Variants in LRRC37A2 observed in about 807,000 individuals in gnomAD.
The protein encoded by LRRC37A2 is leucine rich repeat containing 37 member A2, also known as leucine-rich repeat-containing protein 37A2.
LRRC37A2 carries 9 observed loss-of-function variants against 68.8 expected under a neutral mutation model. The observed-to-expected ratio is 0.13, with a 90% CI of 0.08 to 0.23. LRRC37A2 has a LOEUF of 0.23. Among genes scored for constraint, LRRC37A2 ranks in the 10% least tolerant of loss-of-function variants. The pLI, the probability that LRRC37A2 is intolerant of heterozygous loss-of-function variation, is 1.00. For synonymous variants in LRRC37A2, 63 were observed against 367.6 expected (o/e 0.17, Z 9.48); for missense variants, 168 against 950.4 (o/e 0.18, Z 10.82).
At chr17:46,962,123 C>T in the LRRC37A2 span, among the ~76,000 whole-genome samples, 14 of 152,168 alleles carry the variant, frequency 9.2e-5, no homozygotes, top group East Asian at 2.5e-3. Flanking sequence ...GTCAGAAGCT[C>T]GAGACCAGTC....
the LRRC37A2 span, among the ~76,000 whole-genome samples, chr17:46,811,369 C>T: frequency 6.6e-6 from 1 of 152,168 alleles, no homozygotes; most frequent in East Asian, 1.9e-4. Context: ...ATTGTAGCTG[C>T]ACCCAGCGGC....
the LRRC37A2 span, among the ~76,000 whole-genome samples, chr17:46,815,959 C>T: frequency 1.9e-4 from 29 of 152,262 alleles, 1 homozygote; most frequent in African/African-American, 4.1e-4. Flanking sequence ...GGATCACAGG[C>T]GGACTCAGAC....
chr17:46,963,389 A>T, the LRRC37A2 span, among the ~76,000 whole-genome samples: 2 of 152,092 alleles, frequency 1.3e-5, no homozygotes, highest in African/African-American at 2.4e-5. Context: ...TACTAAAAAT[A>T]AAAAAATTAG....
the LRRC37A2 span, among the ~76,000 whole-genome samples, chr17:46,409,797 G>A: frequency 2.6e-4 from 28 of 108,430 alleles, no homozygotes; most frequent in Admixed American, 1.1e-3. Context: ...ATGTGATGGC[G>A]TTATACTAAA....
the LRRC37A2 span, among the ~76,000 whole-genome samples, chr17:46,893,615 T>G: frequency 6.6e-6 from 1 of 152,022 alleles, no homozygotes; most frequent in African/African-American, 2.4e-5. Context: ...AGGACCCCCT[T>G]GACTTGGGTA....
At chr17:47,012,379 A>G in the LRRC37A2 span, among the ~76,000 whole-genome samples, 1 of 152,214 alleles carries the variant, frequency 6.6e-6, no homozygotes, top group Non-Finnish European at 1.5e-5. Context: ...GGAAAAATAG[A>G]TAAATTGCAT....
At chr17:46,558,836 CTTTTTTTTTTTTT>C (rs765462293), downstream of LRRC37A2, 16 of 71,818 alleles carry the variant, frequency 2.2e-4, no homozygotes, top group Admixed American at 5.9e-4. Context: ...CTCTTTTATT[CTTTTTTTTTTTTT>C]TTTTTTTTTT....
chr17:46,708,489 T>C, the LRRC37A2 span, among the ~76,000 whole-genome samples: 16 of 147,118 alleles, frequency 1.1e-4, no homozygotes, highest in East Asian at 3.0e-3. Flanking sequence ...TTGTTACATA[T>C]CCTTTTTTTT....
At chr17:46,603,202 CT>C in the LRRC37A2 span, among the ~76,000 whole-genome samples, 2 of 123,960 alleles carry the variant, frequency 1.6e-5, no homozygotes, top group Non-Finnish European at 3.4e-5. Context: ...TTCTTCTCTT[CT>C]TTTGTAGAAG....
chr17:46,829,231 A>C, the LRRC37A2 span, among the ~76,000 whole-genome samples: 1 of 152,086 alleles, frequency 6.6e-6, no homozygotes, highest in Non-Finnish European at 1.5e-5. Context: ...GCAATGGAGC[A>C]ATCTTGGCTC....
chr17:46,861,842 T>C, the LRRC37A2 span, among the ~76,000 whole-genome samples: 12 of 152,218 alleles, frequency 7.9e-5, no homozygotes, highest in African/African-American at 2.2e-4. Context: ...GGCCAGATGC[T>C]GTCAGAATTC....
the LRRC37A2 span, among the ~76,000 whole-genome samples, chr17:46,847,895 G>A: frequency 6.6e-6 from 1 of 152,076 alleles, no homozygotes; most frequent in African/African-American, 2.4e-5. Context: ...GGAGAGGTCT[G>A]CAGACATCCT....
At chr17:46,771,466 C>G in the LRRC37A2 span, among the ~76,000 whole-genome samples, 6 of 149,804 alleles carry the variant, frequency 4.0e-5, no homozygotes, top group African/African-American at 1.5e-4. Flanking sequence ...GGCCCCGGGC[C>G]GCGCTGGGTT....
chr17:46,811,648 CCT>C, the LRRC37A2 span, among the ~76,000 whole-genome samples: 1 of 152,150 alleles, frequency 6.6e-6, no homozygotes, highest in African/African-American at 2.4e-5. Context: ...CGTGGAGTTG[CCT>C]CTCAGAAGAT....
chr17:46,922,940 A>G, the LRRC37A2 span: 7 of 578,284 alleles, frequency 1.2e-5, no homozygotes, highest in African/African-American at 1.9e-5. Flanking sequence ...GCTAGCCTTC[A>G]GCGAACATGT....
the LRRC37A2 span, among the ~76,000 whole-genome samples, chr17:46,893,847 G>A: frequency 2.6e-5 from 4 of 152,164 alleles, no homozygotes; most frequent in East Asian, 1.9e-4. Context: ...GTGGCCAGGG[G>A]CTGAGGGTCC....
chr17:46,926,171 A>G, the LRRC37A2 span, among the ~76,000 whole-genome samples: 1 of 152,334 alleles, frequency 6.6e-6, no homozygotes, highest in East Asian at 1.9e-4. Context: ...TTATCTCAAG[A>G]CCATGTTTTT....
the LRRC37A2 span, among the ~76,000 whole-genome samples, chr17:46,899,691 G>T: frequency 2.0e-5 from 3 of 152,144 alleles, no homozygotes; most frequent in Non-Finnish European, 4.4e-5. Flanking sequence ...AATTACTGGT[G>T]ATGGTTGCAC....
the LRRC37A2 span, among the ~76,000 whole-genome samples, chr17:46,973,950 C>T: frequency 6.6e-6 from 1 of 152,216 alleles, no homozygotes; most frequent in Admixed American, 6.5e-5. Context: ...TTCTTTCCAT[C>T]TACTACTGAG....
Sources: gnomAD v4.1 joint callset for allele counts (sites outside exome capture counted in the v4.1 genomes callset) on GRCh38, gnomAD v4.1.1 for gene constraint, MANE v1.5 for transcripts, NCBI Gene and HGNC (gene_info 2026-07-23, HGNC 2026-07-21) for gene names.